AFF3: variants seen among roughly 807,000 people sequenced by gnomAD.
AFF3 encodes ALF transcription elongation factor 3.
AFF3 carries 32 observed loss-of-function variants against 129.7 expected under a neutral mutation model. That is an observed-to-expected ratio of 0.25 (90% CI 0.19 to 0.33). The LOEUF (loss-of-function observed/expected upper bound fraction) is 0.33, where lower values mean the gene tolerates loss of function less well. AFF3 is among the 10% of genes least tolerant of loss of function. AFF3 has a pLI of 1.00. For synonymous variants in AFF3, 644 were observed against 635.4 expected (o/e 1.01, Z -0.20); for missense variants, 1,373 against 1,592.0 (o/e 0.86, Z 2.34).
intron 4 of AFF3, among the ~76,000 whole-genome samples, chr2:100,077,227 C>T (rs762806024): frequency 5.3e-5 from 8 of 152,032 alleles, no homozygotes; most frequent in African/African-American, 1.2e-4. Context: ...CCAGCCTGGG[C>T]GACAGTGAGA....
chr2:99,789,220 A>G lies in AFF3; in HGVS notation c.922-36919T>C, dbSNP rs114054609. Among the ~76,000 whole-genome samples, 719 of 152,234 alleles carry G rather than the reference A, an allele frequency of 4.7e-3. 2 individuals are homozygous for G. Among genetic ancestry groups the G allele is most frequent in the African/African-American group, 0.017 (692 of 41,532 alleles). ...GAGGCCAAGTTGGGAGGACTGCTTG[A>G]GGCCAGGAGCTCGAGACCATCCTGG... On this transcript the variant is annotated intron_variant, in intron 8 of 24. Coordinates refer to ENST00000672756, the MANE Select transcript of AFF3 (RefSeq NM_001386135.1).
At chr2:99,687,578 G>T (rs970238226) in intron 11 of AFF3, among the ~76,000 whole-genome samples, 1 of 152,178 alleles carries the variant, frequency 6.6e-6, no homozygotes, top group African/African-American at 2.4e-5. Flanking sequence ...GCTCTCACTG[G>T]CCTGTGGAAT....
Position 99,553,663 on chromosome 2 carries a change from C to T in AFF3, c.3559+648G>A, listed in dbSNP as rs1159615923. ...GTGTGGTGGCTCACGCCTGTAATCCCAGTACTTTGGGAGGCTGAGGCAGGC... is the reference window on the plus strand; with the variant it reads ...GTGTGGTGGCTCACGCCTGTAATCCTAGTACTTTGGGAGGCTGAGGCAGGC... On this transcript the variant is annotated intron_variant, in intron 24 of 24. Coordinates refer to ENST00000672756, the MANE Select transcript of AFF3 (RefSeq NM_001386135.1). Among the ~76,000 whole-genome samples the T allele has an allele frequency of 3.3e-5, 5 of 151,838 alleles. No individual in the cohort carries two copies. In the South Asian group the frequency reaches 1.0e-3, roughly 32 times the overall value.
At chr2:99,672,231 C>CA (rs1687229860) in intron 12 of AFF3, among the ~76,000 whole-genome samples, 1 of 27,468 alleles carries the variant, frequency 3.6e-5, no homozygotes, top group Non-Finnish European at 6.2e-5. Context: ...CACACACACA[C>CA]ATGAATAAAT....
intron 11 of AFF3, among the ~76,000 whole-genome samples, chr2:99,702,356 T>C (rs1676948135): frequency 6.6e-6 from 1 of 152,166 alleles, no homozygotes; most frequent in African/African-American, 2.4e-5. Flanking sequence ...TCTTTTCTTT[T>C]TTGAGACAGA....
chr2:99,659,022 T>C (rs1686000006), intron 12 of AFF3, among the ~76,000 whole-genome samples: 2 of 152,362 alleles, frequency 1.3e-5, no homozygotes, highest in African/African-American at 4.8e-5. Flanking sequence ...TCCTTATTGT[T>C]GATCTTGGCC....
intron 7 of AFF3, among the ~76,000 whole-genome samples, chr2:99,888,278 C>T (rs1191542061): frequency 6.6e-6 from 1 of 152,158 alleles, no homozygotes; most frequent in Non-Finnish European, 1.5e-5. Context: ...GAGAGCTCAT[C>T]TATAAAGCAT....
At chr2:99,593,126 A>G in intron 15 of AFF3, 69 bp downstream of exon 15, 1 of 1,503,934 alleles carries the variant, frequency 6.6e-7, no homozygotes, top group Non-Finnish European at 8.9e-7. Context: ...GCTCTATCCA[A>G]GTACCCACAA....
At chr2:99,998,288 A>G (rs187072614) in intron 7 of AFF3, among the ~76,000 whole-genome samples, 2 of 152,346 alleles carry the variant, frequency 1.3e-5, no homozygotes, top group African/African-American at 4.8e-5. Flanking sequence ...GTTCATCAGC[A>G]TAAGGGTCAG....
chr2:99,570,414 G>T (rs1676366210), intron 18 of AFF3, among the ~76,000 whole-genome samples: 1 of 152,104 alleles, frequency 6.6e-6, no homozygotes, highest in African/African-American at 2.4e-5. Context: ...CACCCATACT[G>T]CAGCATCAAC....
intron 7 of AFF3, among the ~76,000 whole-genome samples, chr2:99,909,038 G>GT (rs1694928913): frequency 1.3e-5 from 2 of 152,100 alleles, no homozygotes; most frequent in Admixed American, 1.3e-4. Context: ...ACATGCACAC[G>GT]TATGTTTACT....
Position 99,978,576 on chromosome 2 carries a change from G to A in AFF3, c.873+28056C>T, listed in dbSNP as rs533720474. On this transcript the variant is annotated intron_variant, in intron 7 of 24. Coordinates refer to ENST00000672756, the MANE Select transcript of AFF3 (RefSeq NM_001386135.1). ...GACAAACCCAAGGTGCCACGTGTGT[G>A]CATGGCATGGCAGGGAAGAGATGAA... Among the ~76,000 whole-genome samples, 9 of 152,322 alleles carry A rather than the reference G, an allele frequency of 5.9e-5. 1 individual carries two copies. The South Asian group carries it at 1.9e-3, about 32-fold the overall frequency.
At chr2:99,757,375 C>T (rs1465413117) in intron 8 of AFF3, among the ~76,000 whole-genome samples, 3 of 152,202 alleles carry the variant, frequency 2.0e-5, no homozygotes, top group African/African-American at 7.2e-5. Context: ...ATGGCAGCAA[C>T]ATCTATTAAC....
At chr2:100,135,122 C>G (rs1329414438) in intron 1 of AFF3, among the ~76,000 whole-genome samples, 1 of 152,182 alleles carries the variant, frequency 6.6e-6, no homozygotes, top group Non-Finnish European at 1.5e-5. Flanking sequence ...AGCACCAGAA[C>G]AGTTCAGAGG....
intron 9 of AFF3, among the ~76,000 whole-genome samples, chr2:99,750,878 G>A (rs1681589901): frequency 6.6e-6 from 1 of 152,138 alleles, no homozygotes; most frequent in South Asian, 2.1e-4. Flanking sequence ...TCCACTGAAA[G>A]GAATCTGATT....
At chr2:100,132,880 A>T (rs1293445682) in intron 1 of AFF3, among the ~76,000 whole-genome samples, 1 of 151,598 alleles carries the variant, frequency 6.6e-6, no homozygotes, top group African/African-American at 2.4e-5. Flanking sequence ...GCCTTTTCAA[A>T]TTTGAAAGAA....
At chr2:100,047,993 C>T (rs1394676363) in intron 4 of AFF3, among the ~76,000 whole-genome samples, 1 of 152,160 alleles carries the variant, frequency 6.6e-6, no homozygotes, top group African/African-American at 2.4e-5. Flanking sequence ...ATCCCACTCT[C>T]GATATTTCAT....
intron 13 of AFF3, among the ~76,000 whole-genome samples, chr2:99,611,811 T>C (rs1288068023): frequency 6.6e-6 from 1 of 151,438 alleles, no homozygotes; most frequent in Non-Finnish European, 1.5e-5. Flanking sequence ...CGCTTGAACA[T>C]GAAAGGCAGA....
intron 4 of AFF3, among the ~76,000 whole-genome samples, chr2:100,027,602 A>G (rs1487537938): frequency 3.3e-5 from 5 of 151,992 alleles, no homozygotes; most frequent in Admixed American, 3.3e-4. Context: ...CATCTCTCCT[A>G]CCTTTAAAAT....
Sources: allele counts gnomAD v4.1 joint callset (sites outside exome capture counted in the v4.1 genomes callset), GRCh38; gene constraint gnomAD v4.1.1; transcripts MANE v1.5; gene names NCBI Gene and HGNC (gene_info 2026-07-23, HGNC 2026-07-21).